Variants in MYO16 observed in about 807,000 individuals in gnomAD.
MYO16 encodes myosin XVI, also known as unconventional myosin-XVI.
MYO16 carries 94 observed loss-of-function variants against 205.3 expected under a neutral mutation model. The ratio of observed to expected loss-of-function variants is 0.46; its 90% confidence interval spans 0.39 to 0.54. The LOEUF is 0.54. MYO16 is among the 20% of genes least tolerant of loss of function. The pLI, the probability that MYO16 is intolerant of heterozygous loss-of-function variation, is 0.00. For missense variants in MYO16, 2,315 were observed against 2,387.5 expected, an observed-to-expected ratio of 0.97 and a Z score of 0.63; for synonymous variants, 988 against 954.0, an observed-to-expected ratio of 1.04 and a Z score of -0.66.
upstream of MYO16, among the ~76,000 whole-genome samples, chr13:108,627,882 A>C (rs1223437216): frequency 1.3e-5 from 2 of 152,174 alleles, no homozygotes; most frequent in Non-Finnish European, 2.9e-5. Context: ...TCAGACATTT[A>C]AGGAAGGTAT....
At chr13:108,865,971 T>C in intron 11 of MYO16, among the ~76,000 whole-genome samples, 1 of 152,114 alleles carries the variant, frequency 6.6e-6, no homozygotes. Context: ...AAGCCTGTTT[T>C]ATTTAATTTG....
At chr13:109,179,692 C>T in intron 34 of MYO16, 59 bp downstream of exon 34, 2 of 1,354,520 alleles carry the variant, frequency 1.5e-6, no homozygotes, top group Non-Finnish European at 2.1e-6. Context: ...TATGACAAGG[C>T]ATTCATTAAC....
rs1877396450 is a variant in MYO16 at position 108,844,285 on chromosome 13, T to C, written c.1098-58T>C. On this transcript the variant is annotated intron_variant, in intron 9 of 34. Transcript: ENST00000457511. ...GTCCAACTATCCTGTATTGGTAATT[T>C]TCGATTGATAAAACATTAGAAAGAG... 4 of 1,459,940 alleles carry C rather than the reference T, an allele frequency of 2.7e-6. No individual in the cohort carries two copies. The Admixed American group carries it at 7.6e-5, about 28-fold the overall frequency. The allele number at this position is 1,459,940 out of a possible 1,614,324, so 90.4% of individuals were successfully genotyped here. A position where few individuals can be genotyped will look rare whatever the true frequency, so the allele number is the denominator to read the frequency against.
chr13:109,163,298 G>C (rs1012528835), intron 32 of MYO16, among the ~76,000 whole-genome samples: 2 of 152,174 alleles, frequency 1.3e-5, no homozygotes, highest in Non-Finnish European at 2.9e-5. Flanking sequence ...CAAGAAAACA[G>C]GAGTCAATAT....
intron 23 of MYO16, among the ~76,000 whole-genome samples, chr13:109,022,284 C>A (rs1199206245): frequency 7.9e-5 from 9 of 114,036 alleles, no homozygotes; most frequent in Non-Finnish European, 1.5e-4. Context: ...TTTATATATA[C>A]AAATATAATA....
chr13:108,544,829 G>A, the MYO16 span, among the ~76,000 whole-genome samples: 1 of 152,052 alleles, frequency 6.6e-6, no homozygotes, highest in Admixed American at 6.6e-5. Flanking sequence ...AGATTTCACA[G>A]TTAAGAGAGA....
At chr13:108,506,083 A>G in the MYO16 span, among the ~76,000 whole-genome samples, 1 of 151,954 alleles carries the variant, frequency 6.6e-6, no homozygotes, top group Non-Finnish European at 1.5e-5. Flanking sequence ...TGTTTTAAAA[A>G]CAGAAGGTAT....
At chr13:109,120,539 G>C in intron 29 of MYO16, 73 bp downstream of exon 29, 1 of 1,154,252 alleles carries the variant, frequency 8.7e-7, no homozygotes, top group Non-Finnish European at 1.3e-6. Context: ...GCATCCCCAA[G>C]TTTAAATGTC....
chr13:108,871,322 T>TTGTGTG (rs58117690), intron 12 of MYO16, among the ~76,000 whole-genome samples: 4,053 of 131,474 alleles, frequency 0.031, 80 homozygotes, highest in Middle Eastern at 0.13. Context: ...CTATGTGACT[T>TTGTGTG]TGTGTGTGTG....
upstream of MYO16, among the ~76,000 whole-genome samples, chr13:108,593,828 T>C (rs1182290512): frequency 6.6e-6 from 1 of 152,162 alleles, no homozygotes; most frequent in Non-Finnish European, 1.5e-5. Flanking sequence ...CCTGTTAGCA[T>C]GTCACGCCCT....
chr13:108,681,672 G>T (rs1246703152), intron 2 of MYO16, among the ~76,000 whole-genome samples: 2 of 152,040 alleles, frequency 1.3e-5, no homozygotes, highest in African/African-American at 4.8e-5. Flanking sequence ...CTGTTCCACA[G>T]CTATGGGGGT....
chr13:108,624,784 AGTGTGTGTGTGT>A (rs6145237), upstream of MYO16, among the ~76,000 whole-genome samples: 19 of 90,856 alleles, frequency 2.1e-4, no homozygotes, highest in South Asian at 3.0e-3. Flanking sequence ...ATATAGCCTG[AGTGTGTGTGTGT>A]GTGTGTGTGT....
At chr13:108,736,912 G>A (rs1884723059) in intron 4 of MYO16, among the ~76,000 whole-genome samples, 1 of 152,174 alleles carries the variant, frequency 6.6e-6, no homozygotes, top group South Asian at 2.1e-4. Flanking sequence ...AATTGTGAAT[G>A]AGAGATCCCT....
At chr13:109,166,379 A>T (rs1172182544) in intron 33 of MYO16, among the ~76,000 whole-genome samples, 1 of 152,258 alleles carries the variant, frequency 6.6e-6, no homozygotes, top group African/African-American at 2.4e-5. Context: ...AATAAAAAAT[A>T]ACTGGAGAAG....
chr13:108,866,327 A>AAAGT, intron 12 of MYO16, 85 bp downstream of exon 12: 1 of 771,014 alleles, frequency 1.3e-6, no homozygotes, highest in Non-Finnish European at 2.0e-6. Flanking sequence ...ACTAAAAAAA[A>AAAGT]CAGGCAAACT....
chr13:109,002,617 G>A (rs910003879), intron 21 of MYO16, among the ~76,000 whole-genome samples: 7 of 152,136 alleles, frequency 4.6e-5, no homozygotes, highest in Non-Finnish European at 8.8e-5. Flanking sequence ...GGAATACCCG[G>A]AGATCTAATT....
At chr13:108,653,742 G>A (rs1881115436) in intron 1 of MYO16, among the ~76,000 whole-genome samples, 1 of 150,476 alleles carries the variant, frequency 6.6e-6, no homozygotes, top group African/African-American at 2.4e-5. Context: ...AATGGAAGAG[G>A]ATATATATGC....
chr13:109,019,774 A>G lies in MYO16; in HGVS notation c.2659A>G (p.Asn887Asp), dbSNP rs138330018. ...ESQMIWSVES[N>D]FPKKLQSLLE... is the part of the protein sequence containing the mutation. The stretch of plus-strand genomic sequence containing the variant: ...TCAAATGATTTGGTCAGTGGAATCA[A>G]ATTTTCCAAAAAAACTACAAAGTCT... Residue 887 changes from asparagine to aspartate, a missense_variant, in exon 23 of 35, where the codon AAT (asparagine) becomes GAT (aspartate). Transcript: ENST00000457511. 2 of 1,614,154 alleles carry G rather than the reference A, an allele frequency of 1.2e-6. No individual in the cohort carries two copies. Among genetic ancestry groups the G allele is most frequent in the South Asian group, 1.1e-5 (1 of 91,088 alleles).
At chr13:108,737,532 C>G (rs1003422786) in intron 4 of MYO16, among the ~76,000 whole-genome samples, 2 of 152,116 alleles carry the variant, frequency 1.3e-5, no homozygotes, top group Non-Finnish European at 2.9e-5. Context: ...CTGCTGGATT[C>G]GGTTTGCCAG....
Sources: allele counts gnomAD v4.1 joint callset (sites outside exome capture counted in the v4.1 genomes callset), GRCh38; gene constraint gnomAD v4.1.1; transcripts MANE v1.5; gene names NCBI Gene and HGNC (gene_info 2026-07-23, HGNC 2026-07-21).